Variants in NRXN3 observed in about 807,000 individuals in gnomAD.
NRXN3 encodes neurexin 3.
In NRXN3, 32 loss-of-function variants were observed where a neutral mutation model predicts 137.6. That is an observed-to-expected ratio of 0.23 (90% CI 0.18 to 0.31). NRXN3 has a LOEUF of 0.31. Ranked by LOEUF, NRXN3 falls within the 10% of genes least tolerant of loss-of-function variation. The pLI, the probability that NRXN3 is intolerant of heterozygous loss-of-function variation, is 1.00. For synonymous variants in NRXN3, 798 were observed against 784.5 expected, an observed-to-expected ratio of 1.02 and a Z score of -0.29; for missense variants, 1,574 against 2,062.5, an observed-to-expected ratio of 0.76 and a Z score of 4.59.
At chr14:79,568,161 C>T (rs1251500646) in intron 16 of NRXN3, among the ~76,000 whole-genome samples, 9 of 152,170 alleles carry the variant, frequency 5.9e-5, no homozygotes, top group Admixed American at 5.2e-4. Flanking sequence ...GTTTCCATCC[C>T]TCTGAAGGAA....
intron 2 of NRXN3, among the ~76,000 whole-genome samples, chr14:78,267,163 G>A (rs1402749044): frequency 1.3e-5 from 2 of 152,204 alleles, no homozygotes; most frequent in Non-Finnish European, 2.9e-5. Flanking sequence ...TGAGCATGGT[G>A]TCAGGCAGGT....
intron 4 of NRXN3, among the ~76,000 whole-genome samples, chr14:78,612,825 T>G (rs1315763923): frequency 6.6e-6 from 1 of 152,006 alleles, no homozygotes; most frequent in Non-Finnish European, 1.5e-5. Context: ...CTGTGGAAAC[T>G]CAAGTAGGCC....
intron 16 of NRXN3, among the ~76,000 whole-genome samples, chr14:79,623,320 G>A (rs2098245119): frequency 1.3e-5 from 2 of 152,156 alleles, no homozygotes; most frequent in Admixed American, 1.3e-4. Context: ...ACATTTTGGG[G>A]TGGAAATGCC....
At chr14:79,351,067 C>T (rs76152313) in intron 15 of NRXN3, among the ~76,000 whole-genome samples, 2,724 of 152,314 alleles carry the variant, frequency 0.018, 37 homozygotes, top group Middle Eastern at 0.031. Context: ...CCAGAACTGG[C>T]AGAAAAGCTG....
At chr14:79,335,673 ATTGT>A (rs758139102) in intron 15 of NRXN3, among the ~76,000 whole-genome samples, 14 of 152,020 alleles carry the variant, frequency 9.2e-5, no homozygotes, top group Non-Finnish European at 1.9e-4. Flanking sequence ...TATATATATC[ATTGT>A]TTGTATGTAT....
intron 6 of NRXN3, among the ~76,000 whole-genome samples, chr14:78,662,794 C>T (rs1227664211): frequency 6.6e-6 from 1 of 152,152 alleles, no homozygotes; most frequent in African/African-American, 2.4e-5. Flanking sequence ...TTGGGTTGCC[C>T]TTGTGGTAAG....
chr14:78,794,582 C>T (rs11159381), intron 8 of NRXN3, among the ~76,000 whole-genome samples: 145,327 of 152,044 alleles, frequency 0.96, 69,771 homozygotes, highest in East Asian at 1. Flanking sequence ...ATAGATTTTC[C>T]TCTAAAGAGT....
At chr14:78,497,343 C>T (rs1017326297) in intron 4 of NRXN3, among the ~76,000 whole-genome samples, 9 of 152,100 alleles carry the variant, frequency 5.9e-5, no homozygotes, top group Non-Finnish European at 1.2e-4. Context: ...CCTCATTACC[C>T]TTTAACTTAT....
At chr14:78,639,278 C>T (rs190782703) in intron 4 of NRXN3, among the ~76,000 whole-genome samples, 117 of 152,238 alleles carry the variant, frequency 7.7e-4, no homozygotes, top group Non-Finnish European at 1.4e-3. Context: ...TGCTGCTGTA[C>T]GAGACCAATT....
chr14:79,243,913 T>G lies in NRXN3; in HGVS notation c.3263-223308T>G, dbSNP rs183971858. Among the ~76,000 whole-genome samples the G allele has an allele frequency of 2.2e-3, 337 of 152,244 alleles. 2 individuals carry two copies. Among genetic ancestry groups the G allele is most frequent in the African/African-American group, 7.8e-3 (324 of 41,542 alleles). ...AAGTGACAAAAAAAATCTGAACCCC[T>G]GCTCTCAGGCTCCAGATCCCAGCTT... On this transcript the variant is annotated intron_variant, in intron 15 of 20. Transcript: ENST00000335750.
At chr14:79,684,270 A>G (rs2098685715) in intron 17 of NRXN3, among the ~76,000 whole-genome samples, 1 of 152,154 alleles carries the variant, frequency 6.6e-6, no homozygotes, top group Admixed American at 6.5e-5. Flanking sequence ...ACGTGGAACA[A>G]TTTCTTTGGG....
intron 19 of NRXN3, among the ~76,000 whole-genome samples, chr14:79,779,515 T>A (rs535700522): frequency 1.4e-4 from 22 of 152,330 alleles, no homozygotes; most frequent in African/African-American, 5.1e-4. Flanking sequence ...AGTCTCAGGT[T>A]CATTTGTCTG....
At chr14:79,181,563 C>T (rs893800171) in intron 15 of NRXN3, among the ~76,000 whole-genome samples, 1 of 151,808 alleles carries the variant, frequency 6.6e-6, no homozygotes, top group Non-Finnish European at 1.5e-5. Flanking sequence ...TTCCTATAAT[C>T]CCAGCTACTT....
At chr14:78,902,206 C>T (rs1442764901) in intron 10 of NRXN3, among the ~76,000 whole-genome samples, 3 of 152,090 alleles carry the variant, frequency 2.0e-5, no homozygotes, top group East Asian at 1.9e-4. Context: ...CAGAATCTCA[C>T]ATCCGAGCGC....
intron 4 of NRXN3, among the ~76,000 whole-genome samples, chr14:78,591,108 C>T (rs2097112111): frequency 6.6e-6 from 1 of 152,146 alleles, no homozygotes; most frequent in East Asian, 1.9e-4. Context: ...ATCTACTTAA[C>T]AGGAAGTAGT....
intron 10 of NRXN3, among the ~76,000 whole-genome samples, chr14:78,848,998 G>A (rs535064540): frequency 6.6e-6 from 1 of 152,190 alleles, no homozygotes; most frequent in Admixed American, 6.5e-5. Context: ...AGAGTCAGTG[G>A]TAAGTAATTA....
rs191748366 is a variant in NRXN3, at chr14:78,428,094, G to T, written c.757+130234G>T. On this transcript the variant is annotated intron_variant, in intron 4 of 20. Coordinates refer to ENST00000335750, the MANE Select transcript of NRXN3 (RefSeq NM_001330195.2). ...ATATAAGATAATATCTACTTTACAG[G>T]GTTTTTAAAAGGACTAAATGAGGTA... is the stretch of plus-strand genomic sequence containing the variant. Among the ~76,000 whole-genome samples the T allele has an allele frequency of 1.1e-4, 16 of 152,166 alleles. 1 individual carries two copies. In the East Asian group the frequency reaches 2.9e-3, roughly 28 times the overall value.
chr14:79,091,505 C>G (rs536411691), intron 15 of NRXN3, among the ~76,000 whole-genome samples: 10 of 152,018 alleles, frequency 6.6e-5, no homozygotes, highest in Admixed American at 6.6e-4. Flanking sequence ...CTGATTTGAC[C>G]GAAGGACAGA....
At chr14:79,841,978 T>C (rs1169487976) in intron 20 of NRXN3, among the ~76,000 whole-genome samples, 4 of 152,228 alleles carry the variant, frequency 2.6e-5, no homozygotes, top group African/African-American at 9.6e-5. Context: ...TTGCAAAACA[T>C]GTATCCACTG....
Sources: gnomAD v4.1 joint callset for allele counts (sites outside exome capture counted in the v4.1 genomes callset) on GRCh38, gnomAD v4.1.1 for gene constraint, MANE v1.5 for transcripts, NCBI Gene and HGNC (gene_info 2026-07-23, HGNC 2026-07-21) for gene names.